SLC9B2: variants seen among roughly 807,000 people sequenced by gnomAD.
SLC9B2 encodes the protein sodium/hydrogen exchanger 9B2.
Under a neutral mutation model 52.2 loss-of-function variants are expected in SLC9B2, and 39 were observed. That is an observed-to-expected ratio of 0.75 (90% CI 0.58 to 0.98). The LOEUF is 0.98. SLC9B2 is among the 50% of genes least tolerant of loss of function. The pLI is 0.00. For missense variants in SLC9B2, 626 were observed against 637.5 expected, an observed-to-expected ratio of 0.98 and a Z score of 0.19; for synonymous variants, 214 against 227.0, an observed-to-expected ratio of 0.94 and a Z score of 0.51.
intron 11 of SLC9B2, among the ~76,000 whole-genome samples, chr4:103,027,431 G>A (rs1742322439): frequency 6.6e-6 from 1 of 152,082 alleles, no homozygotes; most frequent in Non-Finnish European, 1.5e-5. Context: ...GATCTTATTA[G>A]GTATTTGGTC....
intron 9 of SLC9B2, among the ~76,000 whole-genome samples, chr4:103,038,445 A>T (rs1025244642): frequency 6.6e-6 from 1 of 152,240 alleles, no homozygotes; most frequent in African/African-American, 2.4e-5. Flanking sequence ...ATAGAAAAAC[A>T]TAGAAAAGTC....
rs1741993682 is a variant in SLC9B2, at chr4:103,023,997, C to A, written c.*2373G>T. On this transcript the variant is annotated 3_prime_UTR_variant, in exon 12 of 12. Transcript: ENST00000394785. The stretch of plus-strand genomic sequence containing the variant: ...TCCCTTTTGCTGGCTAAGTCCTAAT[C>A]TTCCCTCAGCCAATGCCCTACTTTC... 6.6e-6 allele frequency among the ~76,000 whole-genome samples: 1 copy of A among 152,198 alleles called. No individual in the cohort carries two copies. The highest frequency in any genetic ancestry group is 1.5e-5 in the Non-Finnish European group (1 of 68,042).
Position 103,056,039 on chromosome 4 carries a change from C to T in SLC9B2, c.442+1762G>A, listed in dbSNP as rs1025548946. ...CAGGATGGTCTCAATCTCCTGACCT[C>T]GTGATCTGCCCGGCTTGGTCTCCCA... On this transcript the variant is annotated intron_variant, in intron 4 of 11. Coordinates refer to ENST00000394785, the MANE Select transcript of SLC9B2 (RefSeq NM_178833.7). 8.6e-5 allele frequency among the ~76,000 whole-genome samples: 13 copies of T among 151,982 alleles called. No individual in the cohort carries two copies. The East Asian group carries it at 1.7e-3, about 20-fold the overall frequency.
intron 6 of SLC9B2, among the ~76,000 whole-genome samples, chr4:103,048,280 A>C (rs1430124660): frequency 2.0e-5 from 3 of 152,216 alleles, no homozygotes; most frequent in Non-Finnish European, 4.4e-5. Context: ...TTAATTTTAT[A>C]ATTGAGGAAA....
At chr4:103,070,483 C>T (rs1746519735) in intron 1 of SLC9B2, among the ~76,000 whole-genome samples, 1 of 152,218 alleles carries the variant, frequency 6.6e-6, no homozygotes, top group Non-Finnish European at 1.5e-5. Context: ...CTCTGTTGCC[C>T]AGGCTATAGT....
At chr4:103,058,423 G>T (rs990368430) in intron 3 of SLC9B2, among the ~76,000 whole-genome samples, 3 of 151,882 alleles carry the variant, frequency 2.0e-5, no homozygotes, top group Admixed American at 6.6e-5. Flanking sequence ...TTTGAAACAG[G>T]GTCTCCCTCT....
chr4:103,026,398 ACTT>A lies in SLC9B2; in HGVS notation c.1583_1585del (p.Glu528del). 1 of 1,613,252 alleles carries A rather than the reference ACTT, an allele frequency of 6.2e-7. No homozygotes were observed. Among genetic ancestry groups the A allele is most frequent in the South Asian group, 1.1e-5 (1 of 90,950 alleles). On this transcript the variant is annotated inframe_deletion, in exon 12 of 12. Coordinates refer to ENST00000394785, the MANE Select transcript of SLC9B2 (RefSeq NM_178833.7). ...AACTTGCACAGAAGTCTCTCCTTGA[ACTT>A]CTTCATCTTTATTTTGATGTTCAAC... is the stretch of plus-strand genomic sequence containing the variant.
At chr4:103,068,353 T>C (rs1311089030) in intron 1 of SLC9B2, among the ~76,000 whole-genome samples, 1 of 152,174 alleles carries the variant, frequency 6.6e-6, no homozygotes, top group Non-Finnish European at 1.5e-5. Context: ...GCCACTTTTG[T>C]AGGTAGAGGT....
intron 4 of SLC9B2, among the ~76,000 whole-genome samples, chr4:103,053,831 T>G (rs1744894823): frequency 6.6e-6 from 1 of 152,062 alleles, no homozygotes; most frequent in Non-Finnish European, 1.5e-5. Flanking sequence ...GCCTCTTGAG[T>G]AGCTGGGGCT....
intron 4 of SLC9B2, among the ~76,000 whole-genome samples, chr4:103,057,244 G>GTATATATATATATA (rs56742547): frequency 2.0e-4 from 28 of 137,270 alleles, no homozygotes; most frequent in Admixed American, 9.6e-4. Flanking sequence ...TTAATTTTAA[G>GTATATATATATATA]TATATATATA....
At chr4:103,058,027 G>C in intron 3 of SLC9B2, 56 bp from the exon 4 acceptor site, 1 of 1,428,546 alleles carries the variant, frequency 7.0e-7, no homozygotes, top group Non-Finnish European at 9.6e-7. Flanking sequence ...TGGAGGTTTT[G>C]ACAAAATCTA....
chr4:103,040,575 C>T (rs1217106808), intron 9 of SLC9B2, among the ~76,000 whole-genome samples: 1 of 152,158 alleles, frequency 6.6e-6, no homozygotes, highest in Non-Finnish European at 1.5e-5. Context: ...GTAATCAAGA[C>T]TGTGTCATCA....
chr4:103,047,377 A>ATTGTTTT (rs1205328732), intron 6 of SLC9B2, 151 bp from the exon 7 acceptor site: 1 of 727,646 alleles, frequency 1.4e-6, no homozygotes, highest in Admixed American at 3.2e-5. Context: ...TTTAATAAGA[A>ATTGTTTT]TTGTTTTTTG....
chr4:103,059,470 A>C (rs1458782255), intron 3 of SLC9B2, among the ~76,000 whole-genome samples: 1 of 152,192 alleles, frequency 6.6e-6, no homozygotes, highest in Non-Finnish European at 1.5e-5. Flanking sequence ...CGCTTCATCC[A>C]CATGTGTTTT....
At chr4:103,057,687 C>A (rs1745274621) in intron 4 of SLC9B2, 114 bp downstream of exon 4, 1 of 1,167,772 alleles carries the variant, frequency 8.6e-7, no homozygotes, top group Admixed American at 3.0e-5. Flanking sequence ...TGGCTTTTGG[C>A]TCCAGCATGG....
intron 1 of SLC9B2, among the ~76,000 whole-genome samples, chr4:103,070,032 C>T (rs1214044665): frequency 6.6e-6 from 1 of 152,162 alleles, no homozygotes; most frequent in Non-Finnish European, 1.5e-5. Context: ...CTCCAATACT[C>T]TCAACCATAA....
intron 4 of SLC9B2, among the ~76,000 whole-genome samples, chr4:103,054,463 TGA>T (rs1327218057): frequency 6.6e-6 from 1 of 152,178 alleles, no homozygotes; most frequent in Non-Finnish European, 1.5e-5. Context: ...CAATGAATTT[TGA>T]GAGTCACTAA....
At chr4:103,034,187 CA>C (rs1408522349) in intron 9 of SLC9B2, among the ~76,000 whole-genome samples, 1 of 152,094 alleles carries the variant, frequency 6.6e-6, no homozygotes, top group Non-Finnish European at 1.5e-5. Context: ...ATAAAGCTGA[CA>C]AAAACAAGCA....
intron 4 of SLC9B2, among the ~76,000 whole-genome samples, chr4:103,050,971 A>G (rs1344239563): frequency 6.6e-6 from 1 of 152,226 alleles, no homozygotes; most frequent in African/African-American, 2.4e-5. Context: ...TATCACACAT[A>G]TAATAATGGA....
Sources: allele counts gnomAD v4.1 joint callset (sites outside exome capture counted in the v4.1 genomes callset), GRCh38; gene constraint gnomAD v4.1.1; transcripts MANE v1.5; gene names NCBI Gene and HGNC (gene_info 2026-07-23, HGNC 2026-07-21).